Variants in GCNT2 observed in about 807,000 individuals in gnomAD.
The protein encoded by GCNT2 is N-acetyllactosaminide beta-1,6-N-acetylglucosaminyl-transferase.
In GCNT2, 34 loss-of-function variants were observed where a neutral mutation model predicts 34.2. The ratio of observed to expected loss-of-function variants is 1.00; its 90% CI spans 0.76 to 1.32. The LOEUF (loss-of-function observed/expected upper bound fraction) is 1.32, where lower values mean the gene tolerates loss of function less well. GCNT2 is among the 40% of genes most tolerant of loss of function. GCNT2 has a pLI of 0.00. For synonymous variants in GCNT2, 212 were observed against 188.0 expected, an observed-to-expected ratio of 1.13 and a Z score of -1.04; for missense variants, 584 against 489.4, an observed-to-expected ratio of 1.19 and a Z score of -1.82.
At chr6:10,561,654 C>T (rs1027953573) in intron 3 of GCNT2, among the ~76,000 whole-genome samples, 7 of 152,226 alleles carry the variant, frequency 4.6e-5, no homozygotes, top group Admixed American at 4.6e-4. Context: ...AACAGAGCTA[C>T]CCCACTCTTT....
chr6:10,565,480 A>G (rs915490540), intron 3 of GCNT2, among the ~76,000 whole-genome samples: 48 of 152,138 alleles, frequency 3.2e-4, no homozygotes, highest in African/African-American at 1.1e-3. Context: ...TTTTCCCACG[A>G]CCAGCTATCA....
intron 3 of GCNT2, chr6:10,585,697 G>A: frequency 9.1e-7 from 1 of 1,099,332 alleles, no homozygotes; most frequent in African/African-American, 1.6e-5. Flanking sequence ...GCTTCCTAGA[G>A]GCTGGACTGG....
At chr6:10,582,869 C>G (rs1764184222) in intron 3 of GCNT2, among the ~76,000 whole-genome samples, 3 of 152,088 alleles carry the variant, frequency 2.0e-5, no homozygotes, top group Admixed American at 6.6e-5. Context: ...GGATTCTTGC[C>G]AAACCCTCAA....
chr6:10,603,187 G>A (rs1174763898), intron 3 of GCNT2, among the ~76,000 whole-genome samples: 1 of 152,112 alleles, frequency 6.6e-6, no homozygotes, highest in East Asian at 1.9e-4. Flanking sequence ...CATGAGTGAC[G>A]CCTCACCTCA....
chr6:10,620,681 ACTT>A (rs1765995306), intron 3 of GCNT2, among the ~76,000 whole-genome samples: 1 of 152,030 alleles, frequency 6.6e-6, no homozygotes, highest in Non-Finnish European at 1.5e-5. Context: ...ATGTCTGGCA[ACTT>A]CTTCTCTAGT....
intron 3 of GCNT2, among the ~76,000 whole-genome samples, chr6:10,591,783 A>G (rs1403966641): frequency 6.6e-6 from 1 of 152,210 alleles, no homozygotes; most frequent in Non-Finnish European, 1.5e-5. Flanking sequence ...CAAGACTATA[A>G]GAATATGAGA....
intron 3 of GCNT2, among the ~76,000 whole-genome samples, chr6:10,585,048 T>A (rs1311482444): frequency 7.6e-6 from 1 of 131,482 alleles, no homozygotes; most frequent in African/African-American, 3.9e-5. Flanking sequence ...TGTGTGTGTG[T>A]GTGTGTGTGT....
intron 3 of GCNT2, among the ~76,000 whole-genome samples, chr6:10,537,711 AAAAAAAAAAAAAAAAC>A (rs1201068324): frequency 7.2e-5 from 4 of 55,434 alleles, no homozygotes; most frequent in African/African-American, 1.7e-4. Context: ...AAAAAAAAAA[AAAAAAAAAAAAAAAAC>A]AAAACAAAGA....
rs1348738468 is a variant in GCNT2, at chr6:10,590,842, G to A, written c.926-30509G>A. Reference sequence around the variant, plus strand: ...GCTGGGATTACAGGCATGAGCCACCGCGCCCGGCCTAATTTTGACCTATCT... The same window carrying A: ...GCTGGGATTACAGGCATGAGCCACCACGCCCGGCCTAATTTTGACCTATCT... On this transcript the variant is annotated intron_variant, in intron 3 of 4. Transcript: ENST00000495262. Among the ~76,000 whole-genome samples the A allele has an allele frequency of 5.3e-5, 8 of 152,214 alleles. No homozygotes were observed. The South Asian group carries it at 6.2e-4, about 12-fold the overall frequency.
rs1019373805 is a variant in GCNT2, at chr6:10,528,795, C to T, written c.-117C>T. 4.8e-6 allele frequency: 4 copies of T among 828,694 alleles called. No homozygotes were observed. Among genetic ancestry groups the T allele is most frequent in the Admixed American group, 3.6e-5 (2 of 54,906 alleles). The allele number at this position is 828,694 out of a possible 1,614,324, so 51.3% of individuals were successfully genotyped here. On this transcript the variant is annotated 5_prime_UTR_variant, in exon 3 of 5. The change creates a new upstream start codon in the 5' untranslated region. Coordinates refer to ENST00000495262, the MANE Select transcript of GCNT2 (RefSeq NM_145649.5). Reference sequence around the variant, plus strand: ...ACTGAAGGGACAGGGAACAGCCAGACGAGAGCTTCAGCCATCACGAGGATG... The same window carrying T: ...ACTGAAGGGACAGGGAACAGCCAGATGAGAGCTTCAGCCATCACGAGGATG...
At chr6:10,544,705 A>G (rs552361986) in intron 3 of GCNT2, among the ~76,000 whole-genome samples, 1 of 151,936 alleles carries the variant, frequency 6.6e-6, no homozygotes, top group South Asian at 2.1e-4. Flanking sequence ...GCATTTTGGG[A>G]TGTGGAGGTG....
At chr6:10,523,542 T>C (rs1024423633) in intron 1 of GCNT2, among the ~76,000 whole-genome samples, 2 of 152,148 alleles carry the variant, frequency 1.3e-5, no homozygotes, top group Non-Finnish European at 2.9e-5. Context: ...TCGTAGCCTC[T>C]TCTTCCCCAC....
intron 3 of GCNT2, among the ~76,000 whole-genome samples, chr6:10,571,511 C>T (rs1472042716): frequency 6.6e-6 from 1 of 152,028 alleles, no homozygotes; most frequent in East Asian, 1.9e-4. Flanking sequence ...TACCAATATG[C>T]CCGGCAAATT....
chr6:10,557,366 G>A (rs1762769628), intron 3 of GCNT2: 1 of 1,577,380 alleles, frequency 6.3e-7, no homozygotes, highest in Non-Finnish European at 8.7e-7. Context: ...CATATTTCAT[G>A]CAAAAGAAAT....
At chr6:10,566,973 G>A (rs1009239845) in intron 3 of GCNT2, among the ~76,000 whole-genome samples, 6 of 152,108 alleles carry the variant, frequency 3.9e-5, no homozygotes, top group Non-Finnish European at 7.4e-5. Context: ...AACATAGCTC[G>A]TCTGCTCAAA....
intron 3 of GCNT2, among the ~76,000 whole-genome samples, chr6:10,588,901 T>A (rs1764481238): frequency 8.2e-6 from 1 of 122,164 alleles, no homozygotes; most frequent in South Asian, 2.8e-4. Flanking sequence ...GTGTGTGTTG[T>A]GTGGTGTGTG....
intron 3 of GCNT2, among the ~76,000 whole-genome samples, chr6:10,607,092 G>T (rs563973615): frequency 6.6e-6 from 1 of 151,968 alleles, no homozygotes; most frequent in Non-Finnish European, 1.5e-5. Context: ...GATTACAGGG[G>T]TGCACCACCA....
At chr6:10,568,590 C>T (rs902043599) in intron 3 of GCNT2, among the ~76,000 whole-genome samples, 6 of 152,216 alleles carry the variant, frequency 3.9e-5, no homozygotes, top group African/African-American at 1.4e-4. Context: ...AACGTTTTCT[C>T]AATTCCAAAA....
At chr6:10,542,890 ATTC>A (rs1215073911) in intron 3 of GCNT2, among the ~76,000 whole-genome samples, 38 of 107,510 alleles carry the variant, frequency 3.5e-4, no homozygotes, top group African/African-American at 1.3e-3. Context: ...CCCTATGTTA[ATTC>A]TTTTTTTTTT....
Sources: gnomAD v4.1 joint callset for allele counts (sites outside exome capture counted in the v4.1 genomes callset) on GRCh38, gnomAD v4.1.1 for gene constraint, MANE v1.5 for transcripts, NCBI Gene and HGNC (gene_info 2026-07-23, HGNC 2026-07-21) for gene names.